Variants in ATXN1 observed in about 807,000 individuals in gnomAD.
ATXN1 encodes ataxin-1.
ATXN1 carries 8 observed loss-of-function variants against 56.4 expected under a neutral mutation model. The observed-to-expected ratio is 0.14, with a 90% CI of 0.08 to 0.26. The LOEUF (loss-of-function observed/expected upper bound fraction) is 0.26. Ranked by LOEUF, ATXN1 falls within the 10% of genes least tolerant of loss-of-function variation. ATXN1 has a pLI of 1.00. For missense variants in ATXN1, 987 were observed against 1,106.5 expected (o/e 0.89, Z 1.53); for synonymous variants, 514 against 494.6 (o/e 1.04, Z -0.52).
At position 16,381,705 on chromosome 6, in the gene ATXN1, C is replaced by A. The variant is rs573818351; in HGVS notation, c.-160-53235G>T. 5.9e-5 allele frequency among the ~76,000 whole-genome samples: 9 copies of A among 152,318 alleles called. No homozygotes were observed. In the South Asian group the frequency reaches 1.9e-3, roughly 32 times the overall value. On this transcript the variant is annotated intron_variant, in intron 6 of 7. Transcript: ENST00000436367. The stretch of plus-strand genomic sequence containing the variant: ...TTCCCATTGCAAGTTAAGACAGGTG[C>A]CTTACACAGTGACCTGAGCTGCCTC...
intron 2 of ATXN1, among the ~76,000 whole-genome samples, chr6:16,683,421 T>C (rs907905774): frequency 1.3e-5 from 2 of 152,254 alleles, no homozygotes; most frequent in African/African-American, 4.8e-5. Context: ...TTATTTCAAC[T>C]TTCCACCTCT....
chr6:16,741,802 C>T (rs697739), intron 2 of ATXN1, among the ~76,000 whole-genome samples: 64,787 of 152,160 alleles, frequency 0.43, 15,679 homozygotes, highest in East Asian at 0.78. Context: ...ACTAGGATGA[C>T]TGAAACAGCT....
chr6:16,605,791 G>C (rs1222944508), intron 3 of ATXN1, among the ~76,000 whole-genome samples: 1 of 152,144 alleles, frequency 6.6e-6, no homozygotes, highest in African/African-American at 2.4e-5. Context: ...ACAAGCTATA[G>C]AAACTTGCCG....
chr6:16,668,309 G>T (rs1294452231), intron 2 of ATXN1, among the ~76,000 whole-genome samples: 1 of 151,490 alleles, frequency 6.6e-6, no homozygotes, highest in African/African-American at 2.4e-5. Context: ...TCGTCATTTA[G>T]CATTAGGTAT....
intron 3 of ATXN1, among the ~76,000 whole-genome samples, chr6:16,657,535 T>C (rs1758231445): frequency 6.6e-6 from 1 of 152,242 alleles, no homozygotes; most frequent in Admixed American, 6.5e-5. Context: ...TGTTCTTTTT[T>C]CTAACCACAA....
At chr6:16,682,202 ACTT>A (rs1561806481) in intron 2 of ATXN1, among the ~76,000 whole-genome samples, 1 of 50,034 alleles carries the variant, frequency 2.0e-5, no homozygotes, top group East Asian at 5.3e-4. Flanking sequence ...ACTGGGGAGA[ACTT>A]TTTTTTTTTG....
At chr6:16,408,851 C>CT (rs1271836870) in intron 6 of ATXN1, among the ~76,000 whole-genome samples, 1 of 152,194 alleles carries the variant, frequency 6.6e-6, no homozygotes, top group Non-Finnish European at 1.5e-5. Flanking sequence ...AGCGATCCTC[C>CT]TGTCTCAGTC....
chr6:16,658,841 G>A (rs1758259156), intron 2 of ATXN1, among the ~76,000 whole-genome samples: 3 of 152,162 alleles, frequency 2.0e-5, no homozygotes, highest in Non-Finnish European at 4.4e-5. Flanking sequence ...CCCTGAGTAT[G>A]GTGGCCACAT....
intron 2 of ATXN1, among the ~76,000 whole-genome samples, chr6:16,694,473 C>T (rs1378931640): frequency 6.6e-6 from 1 of 151,996 alleles, no homozygotes; most frequent in Non-Finnish European, 1.5e-5. Context: ...AGGCTCGTCA[C>T]AATTGTCCCT....
chr6:16,720,390 G>C (rs1759722680), intron 2 of ATXN1, among the ~76,000 whole-genome samples: 1 of 152,160 alleles, frequency 6.6e-6, no homozygotes, highest in Non-Finnish European at 1.5e-5. Context: ...CTGAGGGCAG[G>C]GACTTAGACA....
chr6:16,316,513 G>C (rs1260925737), intron 7 of ATXN1, among the ~76,000 whole-genome samples: 1 of 152,196 alleles, frequency 6.6e-6, no homozygotes, highest in African/African-American at 2.4e-5. Context: ...TTGGGAGGCA[G>C]AGGCGGGCTG....
chr6:16,364,336 C>T (rs964144024), intron 6 of ATXN1, among the ~76,000 whole-genome samples: 2 of 151,606 alleles, frequency 1.3e-5, no homozygotes, highest in African/African-American at 2.4e-5. Context: ...GATGGAGGCT[C>T]GTTCTGTCGC....
intron 3 of ATXN1, among the ~76,000 whole-genome samples, chr6:16,633,920 T>C (rs1019786436): frequency 1.3e-5 from 2 of 152,216 alleles, no homozygotes; most frequent in Non-Finnish European, 2.9e-5. Flanking sequence ...TCCAGAGAGA[T>C]GTTACAAGGT....
intron 5 of ATXN1, among the ~76,000 whole-genome samples, chr6:16,509,136 G>A (rs1761033366): frequency 6.6e-6 from 1 of 152,088 alleles, no homozygotes; most frequent in African/African-American, 2.4e-5. Context: ...TTGTCTAATG[G>A]GTACAGAGTT....
At chr6:16,315,187 T>C (rs546574261) in intron 7 of ATXN1, among the ~76,000 whole-genome samples, 2 of 152,274 alleles carry the variant, frequency 1.3e-5, no homozygotes, top group East Asian at 1.9e-4. Flanking sequence ...GACCTCCCGA[T>C]GTGCCCCTGC....
At chr6:16,376,050 CTTA>C (rs1259502518) in intron 6 of ATXN1, among the ~76,000 whole-genome samples, 2 of 152,222 alleles carry the variant, frequency 1.3e-5, no homozygotes, top group African/African-American at 4.8e-5. Context: ...TAATAGCACA[CTTA>C]TTATTAGATT....
chr6:16,388,393 T>G (rs1758284074), intron 6 of ATXN1, among the ~76,000 whole-genome samples: 1 of 152,274 alleles, frequency 6.6e-6, no homozygotes, highest in East Asian at 1.9e-4. Flanking sequence ...AAACTGAGGA[T>G]CAAGTGGTGG....
At chr6:16,425,776 G>C (rs567645794) in intron 6 of ATXN1, among the ~76,000 whole-genome samples, 173 of 152,184 alleles carry the variant, frequency 1.1e-3, no homozygotes, top group African/African-American at 4.0e-3. Context: ...CTCAGGGCTT[G>C]GTTCCCTCCT....
chr6:16,506,586 A>T lies in ATXN1; in HGVS notation c.-299+16041T>A, dbSNP rs1366697158. ...CCATTTACATGATGAATTCAATGAT[A>T]TATTATAATGTCTTGTTCAGAAGTG... On this transcript the variant is annotated intron_variant, in intron 5 of 7. Transcript: ENST00000436367. This position sits in a 1 kb window ranked among gnomAD's most constrained non-coding sequence, Gnocchi z 4.1. Among the ~76,000 whole-genome samples the T allele has an allele frequency of 6.6e-6, 1 of 152,208 alleles. No individual in the cohort carries two copies. Among genetic ancestry groups the T allele is most frequent in the Non-Finnish European group, 1.5e-5 (1 of 68,038 alleles).
Sources: allele counts gnomAD v4.1 joint callset (sites outside exome capture counted in the v4.1 genomes callset), GRCh38; gene constraint gnomAD v4.1.1; non-coding constraint Gnocchi (gnomAD v3.1); transcripts MANE v1.5; gene names NCBI Gene and HGNC (gene_info 2026-07-23, HGNC 2026-07-21).